GFOD2: variants seen among roughly 807,000 people sequenced by gnomAD.
The protein encoded by GFOD2 is Gfo/Idh/MocA-like oxidoreductase domain containing 2, also known as glucose-fructose oxidoreductase domain-containing protein 2.
Under a neutral mutation model 24.6 loss-of-function variants are expected in GFOD2, and 9 were observed. The ratio of observed to expected loss-of-function variants is 0.37; its 90% CI spans 0.22 to 0.64. GFOD2 has a LOEUF of 0.64. GFOD2 is among the 30% of genes least tolerant of loss of function. The pLI is 0.65. For synonymous variants in GFOD2, 211 were observed against 224.8 expected, an observed-to-expected ratio of 0.94 and a Z score of 0.55; for missense variants, 476 against 532.5, an observed-to-expected ratio of 0.89 and a Z score of 1.04.
At chr16:67,684,970 C>A in intron 2 of GFOD2, 1 of 1,006,732 alleles carries the variant, frequency 9.9e-7, no homozygotes, top group Non-Finnish European at 1.2e-6. Flanking sequence ...GCCTTCCTGT[C>A]CTCCGGCAAT....
intron 1 of GFOD2, among the ~76,000 whole-genome samples, chr16:67,705,647 AC>A (rs2053433782): frequency 6.6e-6 from 1 of 152,050 alleles, no homozygotes; most frequent in Admixed American, 6.6e-5. Context: ...TAAAAAATGT[AC>A]CTGTAATAGG....
intron 1 of GFOD2, among the ~76,000 whole-genome samples, chr16:67,691,412 C>CA (rs1297108577): frequency 6.6e-6 from 1 of 151,566 alleles, no homozygotes; most frequent in Non-Finnish European, 1.5e-5. Context: ...TTCACTATGT[C>CA]ACCCAGGCTG....
At chr16:67,698,412 G>C (rs983039657) in intron 1 of GFOD2, among the ~76,000 whole-genome samples, 1 of 152,182 alleles carries the variant, frequency 6.6e-6, no homozygotes, top group African/African-American at 2.4e-5. Flanking sequence ...AACCCTTTGA[G>C]TACACTGACT....
At chr16:67,697,932 CAA>C (rs2053370012) in intron 1 of GFOD2, among the ~76,000 whole-genome samples, 1 of 152,244 alleles carries the variant, frequency 6.6e-6, no homozygotes, top group East Asian at 1.9e-4. Context: ...GTGTTAATCT[CAA>C]GAGTTTGGAC....
intron 1 of GFOD2, among the ~76,000 whole-genome samples, chr16:67,696,319 CTT>C (rs75590786): frequency 1.4e-4 from 19 of 133,920 alleles, no homozygotes; most frequent in Non-Finnish European, 1.6e-4. Context: ...GGCCGGGAAT[CTT>C]TTTTTTTTTT....
At chr16:67,705,405 G>T (rs2053432152) in intron 1 of GFOD2, among the ~76,000 whole-genome samples, 1 of 152,042 alleles carries the variant, frequency 6.6e-6, no homozygotes, top group South Asian at 2.1e-4. Context: ...ACAGGGTTTT[G>T]CCAAGTTGGC....
chr16:67,692,171 G>T (rs1477360647), intron 1 of GFOD2, among the ~76,000 whole-genome samples: 3 of 151,038 alleles, frequency 2.0e-5, no homozygotes, highest in Non-Finnish European at 4.4e-5. Context: ...TACCCACTGG[G>T]GTTCTCTGCA....
intron 1 of GFOD2, among the ~76,000 whole-genome samples, chr16:67,694,442 G>A (rs937375025): frequency 1.3e-5 from 2 of 152,050 alleles, no homozygotes; most frequent in African/African-American, 2.4e-5. Context: ...ACTGAGCCTG[G>A]CTTTTTAATA....
intron 1 of GFOD2, among the ~76,000 whole-genome samples, chr16:67,693,473 T>C (rs1363293008): frequency 2.0e-5 from 3 of 152,130 alleles, no homozygotes; most frequent in Admixed American, 6.5e-5. Flanking sequence ...GGTTCCATCA[T>C]GTTGCCCAAG....
intron 1 of GFOD2, among the ~76,000 whole-genome samples, chr16:67,698,267 C>T (rs570850517): frequency 6.6e-6 from 1 of 152,314 alleles, no homozygotes; most frequent in East Asian, 1.9e-4. Context: ...GTTCCAGTGA[C>T]ACATCCCCAC....
At chr16:67,692,028 ATG>A (rs1441305432) in intron 1 of GFOD2, among the ~76,000 whole-genome samples, 1 of 152,024 alleles carries the variant, frequency 6.6e-6, no homozygotes, top group Non-Finnish European at 1.5e-5. Flanking sequence ...GTGTGTGTGT[ATG>A]TGTGTTCCCA....
rs142847654 is a variant in GFOD2 at position 67,675,041 on chromosome 16, C to T, written c.*114G>A. On this transcript the variant is annotated 3_prime_UTR_variant, in exon 3 of 3. Transcript: ENST00000268797. ...GTCCCAGAGCCACCTCTGGCTTCAC[C>T]CAGACTCATTAAATGAAAGACACTG... 9.3e-3 allele frequency: 11,417 copies of T among 1,232,386 alleles called. 105 individuals carry two copies. The highest frequency in any genetic ancestry group is 0.025 in the South Asian group (1,712 of 69,204). 76.3% of individuals were successfully genotyped at this position (1,232,386 alleles called of 1,614,324 possible). A position where few individuals can be genotyped will look rare whatever the true frequency, so the allele number is the denominator to read the frequency against.
intron 2 of GFOD2, chr16:67,681,623 T>C (rs775997190): frequency 3.6e-5 from 23 of 641,028 alleles, no homozygotes; most frequent in Non-Finnish European, 4.3e-5. Context: ...TTGCTCAGGC[T>C]GGTATTTAAC....
At chr16:67,695,599 G>C (rs1213255797) in intron 1 of GFOD2, among the ~76,000 whole-genome samples, 3 of 146,496 alleles carry the variant, frequency 2.0e-5, no homozygotes, top group African/African-American at 7.7e-5. Context: ...GCTGTGGCAT[G>C]ATCTTGGCCC....
chr16:67,690,396 C>CTT (rs1465691101), intron 1 of GFOD2, among the ~76,000 whole-genome samples: 9 of 148,686 alleles, frequency 6.1e-5, no homozygotes, highest in Middle Eastern at 3.6e-3. Flanking sequence ...CCATTATTCA[C>CTT]TATTTTTTTT....
chr16:67,710,579 G>T (rs901282422), intron 1 of GFOD2, among the ~76,000 whole-genome samples: 2 of 150,300 alleles, frequency 1.3e-5, no homozygotes, highest in Non-Finnish European at 3.0e-5. Context: ...AGCCAGGATG[G>T]TCTCGATCTC....
chr16:67,692,783 T>C (rs1488353448), intron 1 of GFOD2, among the ~76,000 whole-genome samples: 5 of 151,150 alleles, frequency 3.3e-5, no homozygotes, highest in Non-Finnish European at 7.4e-5. Context: ...TCTCAGCTCT[T>C]TGGGAGGCTG....
chr16:67,687,070 C>T (rs546499755), intron 1 of GFOD2, among the ~76,000 whole-genome samples: 23 of 150,488 alleles, frequency 1.5e-4, no homozygotes, highest in Non-Finnish European at 2.8e-4. Context: ...ATCACTTGAA[C>T]CTGGGAGGTG....
At chr16:67,679,524 G>A (rs1401674876) in intron 2 of GFOD2, among the ~76,000 whole-genome samples, 3 of 151,928 alleles carry the variant, frequency 2.0e-5, no homozygotes, top group African/African-American at 4.8e-5. Flanking sequence ...CCACCGCGTC[G>A]GCCCCAGGTA....
Sources: gnomAD v4.1 joint callset for allele counts (sites outside exome capture counted in the v4.1 genomes callset) on GRCh38, gnomAD v4.1.1 for gene constraint, MANE v1.5 for transcripts, NCBI Gene and HGNC (gene_info 2026-07-23, HGNC 2026-07-21) for gene names.